Variants in MAP3K5 observed in about 807,000 individuals in gnomAD.
The protein encoded by MAP3K5 is mitogen-activated protein kinase kinase kinase 5, also known as ASK-1.
MAP3K5 carries 56 observed loss-of-function variants against 158.7 expected under a neutral mutation model. The observed-to-expected ratio is 0.35, with a 90% CI of 0.28 to 0.44. MAP3K5 has a LOEUF of 0.44. MAP3K5 is among the 20% of genes least tolerant of loss of function. The probability of loss-of-function intolerance (pLI) is 1.00; values close to 1 mark genes in which losing one functional copy is unlikely to be tolerated. For synonymous variants in MAP3K5, 579 were observed against 601.7 expected (o/e 0.96, Z 0.55); for missense variants, 1,294 against 1,674.8 (o/e 0.77, Z 3.97).
chr6:136,745,868 A>G (rs1422811168), intron 1 of MAP3K5, among the ~76,000 whole-genome samples: 2 of 152,240 alleles, frequency 1.3e-5, no homozygotes, highest in African/African-American at 4.8e-5. Context: ...AGCATAACCC[A>G]GAGATTTCTT....
intron 25 of MAP3K5, 108 bp downstream of exon 25, chr6:136,580,193 G>C: frequency 1.4e-6 from 1 of 714,594 alleles, no homozygotes; most frequent in South Asian, 1.8e-5. Context: ...CTTTAAAAAA[G>C]GGTATTATGG....
chr6:136,580,696 T>C (rs1312150717), intron 24 of MAP3K5, among the ~76,000 whole-genome samples: 1 of 152,130 alleles, frequency 6.6e-6, no homozygotes, highest in East Asian at 1.9e-4. Context: ...TTTTATAATG[T>C]CTGCAGAATG....
chr6:136,692,932 A>G (rs1780450023), intron 7 of MAP3K5, among the ~76,000 whole-genome samples: 1 of 152,008 alleles, frequency 6.6e-6, no homozygotes. Context: ...CTACAGCCTG[A>G]GTGACGGAGC....
chr6:136,736,407 C>T (rs1286305340), intron 1 of MAP3K5, among the ~76,000 whole-genome samples: 2 of 152,154 alleles, frequency 1.3e-5, no homozygotes, highest in Non-Finnish European at 2.9e-5. Context: ...GTTGACATGA[C>T]AGATGTATAA....
At chr6:136,755,440 C>T (rs1038611515) in intron 1 of MAP3K5, among the ~76,000 whole-genome samples, 2 of 152,206 alleles carry the variant, frequency 1.3e-5, no homozygotes, top group Non-Finnish European at 2.9e-5. Context: ...GGTGCAGTGG[C>T]TCATGCCTGT....
chr6:136,661,760 C>T (rs1278347924), intron 8 of MAP3K5, among the ~76,000 whole-genome samples: 1 of 152,060 alleles, frequency 6.6e-6, no homozygotes, highest in African/African-American at 2.4e-5. Flanking sequence ...AGGCTCATCT[C>T]GAACTCCTGG....
At position 136,698,456 on chromosome 6, in the gene MAP3K5, C is replaced by A; in HGVS notation, c.806+33G>T. ...AAGATGTAGAATAACACTTTATTGT[C>A]ATCACCAAATGGCATTATTAATTAA... On this transcript the variant is annotated intron_variant, in intron 4 of 29. Transcript: ENST00000359015. The A allele has an allele frequency of 1.9e-6, 3 of 1,577,770 alleles. No homozygotes were observed. The South Asian group carries it at 3.4e-5, about 18-fold the overall frequency.
At chr6:136,776,897 C>T (rs1683062882) in intron 1 of MAP3K5, among the ~76,000 whole-genome samples, 2 of 152,130 alleles carry the variant, frequency 1.3e-5, no homozygotes, top group South Asian at 2.1e-4. Context: ...CTAATCATCA[C>T]GGCAGGATCG....
In MAP3K5 at chr6:136,596,101, A is replaced by C. The variant is rs976692110; in HGVS notation, c.2879-3487T>G. 3.3e-5 allele frequency among the ~76,000 whole-genome samples: 5 copies of C among 152,202 alleles called. 1 individual carries two copies. The South Asian group carries it at 6.2e-4, about 19-fold the overall frequency. ...TGGCTGGAGATGGTATTTAAAGTAA[A>C]GGATGACATAATTTGGGGAAAGATA... On this transcript the variant is annotated intron_variant, in intron 21 of 29. Coordinates refer to ENST00000359015, the MANE Select transcript of MAP3K5 (RefSeq NM_005923.4).
chr6:136,773,169 T>A (rs571789948), intron 1 of MAP3K5, among the ~76,000 whole-genome samples: 1 of 152,322 alleles, frequency 6.6e-6, no homozygotes, highest in Non-Finnish European at 1.5e-5. Context: ...ATGGAAACCC[T>A]GTTAAATAAC....
chr6:136,742,098 C>T (rs1433090215), intron 1 of MAP3K5, among the ~76,000 whole-genome samples: 1 of 152,200 alleles, frequency 6.6e-6, no homozygotes, highest in East Asian at 1.9e-4. Flanking sequence ...TCAATGCAAT[C>T]TCAAGCAAAA....
At chr6:136,600,009 T>C (rs1775803816) in intron 21 of MAP3K5, among the ~76,000 whole-genome samples, 1 of 152,078 alleles carries the variant, frequency 6.6e-6, no homozygotes, top group African/African-American at 2.4e-5. Context: ...AGAGAGGCTG[T>C]ACCCAGGAAA....
At position 136,583,596 on chromosome 6, in the gene MAP3K5, T is replaced by C; in HGVS notation, c.3370A>G (p.Ile1124Val). 6.2e-7 allele frequency: 1 copy of C among 1,614,248 alleles called. No homozygotes were observed. Among genetic ancestry groups the C allele is most frequent in the Non-Finnish European group, 8.5e-7 (1 of 1,180,036 alleles). The change falls in exon 24 of 30, where the codon ATT becomes GTT. Residue 1124 changes from isoleucine to valine, a missense_variant. Ile to Val is a conservative substitution (Grantham distance 29, BLOSUM62 3). This residue lies in a region of MAP3K5 where 362 missense variants were observed against 463.2 expected (regional missense o/e 0.78). Transcript: ENST00000359015. ...AAGAGTACCACCTGGACTTGGCTAATGCCATGGCTGTCGAAGTCCAGCTCC... is the reference window on the plus strand; with the variant it reads ...AAGAGTACCACCTGGACTTGGCTAACGCCATGGCTGTCGAAGTCCAGCTCC... ...KLELDFDSHG[I>V]SQVQVVLFGF...
intron 19 of MAP3K5, among the ~76,000 whole-genome samples, chr6:136,604,368 A>G (rs1473824083): frequency 2.6e-5 from 4 of 152,028 alleles, no homozygotes; most frequent in Admixed American, 1.3e-4. Flanking sequence ...AAAAAAAAAG[A>G]AAAGAAAAAG....
intron 1 of MAP3K5, among the ~76,000 whole-genome samples, chr6:136,741,643 GAAATA>G (rs1220266024): frequency 1.3e-5 from 2 of 151,914 alleles, no homozygotes; most frequent in African/African-American, 4.8e-5. Context: ...CCCAGCTAAT[GAAATA>G]AAATGAGAAA....
Position 136,567,783 on chromosome 6 carries a change from T to A in MAP3K5, c.3609A>T (p.Ser1203=). ...DVEDDHEEQP[S]NQTVRRPQAV... is the part of the protein sequence containing the mutation. ...CCTGAGGTCTTCGGACAGTTTGATT[T>A]GAAGGCTGTTCCTCATGGTCATCTT... The change falls in exon 26 of 30, where the codon TCA becomes TCT. Residue 1203 remains serine, a synonymous_variant. Coordinates refer to ENST00000359015, the MANE Select transcript of MAP3K5 (RefSeq NM_005923.4). The A allele has an allele frequency of 6.2e-7, 1 of 1,614,158 alleles. No individual in the cohort carries two copies. Among genetic ancestry groups the A allele is most frequent in the South Asian group, 1.1e-5 (1 of 91,084 alleles).
chr6:136,599,174 G>GC (rs1284964800), intron 21 of MAP3K5, among the ~76,000 whole-genome samples: 2 of 148,920 alleles, frequency 1.3e-5, no homozygotes, highest in African/African-American at 4.9e-5. Context: ...AAAAAGGGGG[G>GC]GGGGGCGTGG....
chr6:136,670,926 G>GA (rs1779455927), intron 7 of MAP3K5, among the ~76,000 whole-genome samples: 1 of 151,962 alleles, frequency 6.6e-6, no homozygotes, highest in Admixed American at 6.5e-5. Flanking sequence ...ATTCTAAAAT[G>GA]AAAAAAGTAT....
At chr6:136,747,936 A>G (rs745676485) in intron 1 of MAP3K5, among the ~76,000 whole-genome samples, 29 of 152,174 alleles carry the variant, frequency 1.9e-4, no homozygotes, top group Non-Finnish European at 3.4e-4. Flanking sequence ...CAGGGAAAAT[A>G]TTGCTGTATT....
Sources: gnomAD v4.1 joint callset for allele counts (sites outside exome capture counted in the v4.1 genomes callset) on GRCh38, gnomAD v4.1.1 for gene constraint, gnomAD v4.1.1 regional missense constraint, MANE v1.5 for transcripts, NCBI Gene and HGNC (gene_info 2026-07-23, HGNC 2026-07-21) for gene names.